Variants in CHD9 observed in about 807,000 individuals in gnomAD.
The protein encoded by CHD9 is chromodomain helicase DNA binding protein 9, also known as ATP-dependent chromatin remodeler CHD9.
A neutral mutation model predicts 316.1 loss-of-function variants in CHD9; 77 were observed. The ratio of observed to expected loss-of-function variants is 0.24; its 90% CI spans 0.20 to 0.29. CHD9 has a LOEUF of 0.29. Among genes scored for constraint, CHD9 ranks in the 10% least tolerant of loss-of-function variants. The pLI, the probability that CHD9 is intolerant of heterozygous loss-of-function variation, is 1.00. For synonymous variants in CHD9, 1,129 were observed against 1,158.3 expected (o/e 0.97, Z 0.51); for missense variants, 2,763 against 3,438.1 (o/e 0.80, Z 4.91).
At position 53,071,326 on chromosome 16, in the gene CHD9, A is replaced by G. The variant is rs901388818; in HGVS notation, c.-165+16249A>G. On this transcript the variant is annotated intron_variant, in intron 1 of 38. Transcript: ENST00000447540. ...GGATACTAATATGGTAGTCATTTTG[A>G]ACTGTTTGGTCCCTTCAGTGTGTCT... is the stretch of plus-strand genomic sequence containing the variant. 2.6e-5 allele frequency among the ~76,000 whole-genome samples: 4 copies of G among 152,262 alleles called. No individual in the cohort carries two copies. The South Asian group carries it at 8.3e-4, about 32-fold the overall frequency.
intron 20 of CHD9, among the ~76,000 whole-genome samples, chr16:53,263,745 TAGG>T (rs905987151): frequency 2.0e-5 from 3 of 152,106 alleles, no homozygotes; most frequent in African/African-American, 7.2e-5. Context: ...GCTTTACAAT[TAGG>T]AGTAACACCA....
rs748917355 is a variant in CHD9 at position 53,144,420 on chromosome 16, A to G, written c.-164-11506A>G. On this transcript the variant is annotated intron_variant, in intron 1 of 38. Coordinates refer to ENST00000447540, the MANE Select transcript of CHD9 (RefSeq NM_001308319.2). The stretch of plus-strand genomic sequence containing the variant: ...TGTTAAGAAGAAAACAACAATTCTA[A>G]TAAGTTTTAATTTGTGTTTTGGGGC... Among the ~76,000 whole-genome samples the G allele has an allele frequency of 1.4e-4, 21 of 152,312 alleles. No homozygotes were observed. The South Asian group carries it at 4.4e-3, about 32-fold the overall frequency.
chr16:53,318,968 G>C (rs566083746), intron 37 of CHD9, among the ~76,000 whole-genome samples: 1 of 152,286 alleles, frequency 6.6e-6, no homozygotes, highest in African/African-American at 2.4e-5. Context: ...AGAATGTCTT[G>C]AAGTTACCTT....
chr16:53,314,993 A>T lies in CHD9; in HGVS notation c.7533A>T (p.Lys2511Asn), dbSNP rs977306026. Residue 2511 changes from lysine (K) to asparagine (N), a missense_variant, in exon 36 of 39, where the codon AAA becomes AAT. Coordinates refer to ENST00000447540, the MANE Select transcript of CHD9 (RefSeq NM_001308319.2). ...DDAPKRKDLE[K>N]WLKEHPGYVE... ...CACCAAAGAGAAAGGATTTGGAAAA[A>T]TGGCTTAAGGAGCACCCGGGTTATG... 2 of 1,613,748 alleles carry T rather than the reference A, an allele frequency of 1.2e-6. No individual in the cohort carries two copies. The highest frequency in any genetic ancestry group is 2.7e-5 in the African/African-American group (2 of 74,920).
chr16:53,231,806 C>T, intron 10 of CHD9, 22 bp downstream of exon 10: 1 of 1,567,780 alleles, frequency 6.4e-7, no homozygotes, highest in Non-Finnish European at 8.6e-7. Context: ...TTTTAGACAG[C>T]TTTATAAAAT....
At chr16:53,084,921 A>T (rs1283504422) in intron 1 of CHD9, among the ~76,000 whole-genome samples, 3 of 152,140 alleles carry the variant, frequency 2.0e-5, no homozygotes, top group Non-Finnish European at 4.4e-5. Flanking sequence ...GGCATACAGG[A>T]CCCACTTCCT....
intron 1 of CHD9, among the ~76,000 whole-genome samples, chr16:53,117,057 A>C (rs1288811429): frequency 1.3e-5 from 2 of 152,098 alleles, no homozygotes; most frequent in East Asian, 3.9e-4. Context: ...GGAACATCAC[A>C]CACTGGGGTC....
At chr16:53,285,510 C>A in intron 24 of CHD9, 86 bp from the exon 25 acceptor site, 1 of 612,888 alleles carries the variant, frequency 1.6e-6, no homozygotes, top group Non-Finnish European at 2.8e-6. Context: ...TTGAAAGCCA[C>A]AGTGCTTTAA....
chr16:53,290,039 C>T (rs2153049913), intron 27 of CHD9, among the ~76,000 whole-genome samples: 1 of 152,120 alleles, frequency 6.6e-6, no homozygotes, highest in South Asian at 2.1e-4. Context: ...TTTGGGAGGC[C>T]AAGGTGGGTG....
intron 5 of CHD9, 97 bp from the exon 6 acceptor site, chr16:53,227,299 A>G (rs2047740419): frequency 1.4e-6 from 1 of 719,492 alleles, no homozygotes; most frequent in South Asian, 1.8e-5. Flanking sequence ...CTGTATAAAT[A>G]TTTGTTGAAT....
chr16:53,208,121 T>A (rs1015548228), intron 2 of CHD9: 1 of 1,043,722 alleles, frequency 9.6e-7, no homozygotes, highest in East Asian at 9.8e-5. Flanking sequence ...CATACCTAAA[T>A]AGGATGAACA....
chr16:53,139,040 T>A (rs546700555), intron 1 of CHD9, among the ~76,000 whole-genome samples: 1 of 152,230 alleles, frequency 6.6e-6, no homozygotes, highest in East Asian at 1.9e-4. Flanking sequence ...AGATGGAATT[T>A]TTTTTTTGAG....
intron 2 of CHD9, chr16:53,208,285 AAGC>A (rs2046040006): frequency 7.9e-7 from 1 of 1,271,542 alleles, no homozygotes; most frequent in Non-Finnish European, 1.0e-6. Flanking sequence ...GGTGGTGAAA[AAGC>A]AGAGGGCAAG....
At chr16:53,290,169 G>A (rs968646631) in intron 27 of CHD9, among the ~76,000 whole-genome samples, 5 of 152,184 alleles carry the variant, frequency 3.3e-5, no homozygotes, top group African/African-American at 1.2e-4. Context: ...AGCTACTTGG[G>A]AGGCTGAGGC....
At chr16:53,132,285 C>G (rs2039385092) in intron 1 of CHD9, among the ~76,000 whole-genome samples, 1 of 152,022 alleles carries the variant, frequency 6.6e-6, no homozygotes, top group South Asian at 2.1e-4. Flanking sequence ...CCTAAGAATT[C>G]CCCTGTATTA....
chr16:53,087,072 G>A (rs1186828972), intron 1 of CHD9, among the ~76,000 whole-genome samples: 1 of 152,146 alleles, frequency 6.6e-6, no homozygotes, highest in African/African-American at 2.4e-5. Context: ...AGCTCAGGTT[G>A]TAAGCCCTGG....
intron 3 of CHD9, among the ~76,000 whole-genome samples, chr16:53,220,370 A>T (rs189006326): frequency 1.3e-5 from 2 of 152,340 alleles, no homozygotes; most frequent in Admixed American, 1.3e-4. Flanking sequence ...TCTCACCTGA[A>T]GTCTAGTCAT....
chr16:53,228,539 T>A (rs1023146892), intron 7 of CHD9, among the ~76,000 whole-genome samples: 1 of 143,984 alleles, frequency 6.9e-6, no homozygotes, highest in Non-Finnish European at 1.5e-5. Context: ...ATGAAAGTGT[T>A]TTTTTTTTTT....
At chr16:53,251,357 A>G (rs992746065) in intron 17 of CHD9, among the ~76,000 whole-genome samples, 7 of 152,240 alleles carry the variant, frequency 4.6e-5, no homozygotes, top group Admixed American at 1.3e-4. Flanking sequence ...AAGTCACTTT[A>G]TAGAACCTGA....
Sources: gnomAD v4.1 joint callset for allele counts (sites outside exome capture counted in the v4.1 genomes callset) on GRCh38, gnomAD v4.1.1 for gene constraint, MANE v1.5 for transcripts, NCBI Gene and HGNC (gene_info 2026-07-23, HGNC 2026-07-21) for gene names.